SGCZ: variants seen among roughly 807,000 people sequenced by gnomAD.
SGCZ encodes zeta-sarcoglycan.
Under a neutral mutation model 41.3 loss-of-function variants are expected in SGCZ, and 40 were observed. The ratio of observed to expected loss-of-function variants is 0.97; its 90% CI spans 0.75 to 1.26. SGCZ has a LOEUF of 1.26. Among genes scored for constraint, SGCZ ranks in the 50% most tolerant of loss-of-function variants. The probability of loss-of-function intolerance (pLI) is 0.00; values close to 1 mark genes in which losing one functional copy is unlikely to be tolerated. For synonymous variants in SGCZ, 206 were observed against 137.5 expected (o/e 1.50, Z -3.49); for missense variants, 552 against 369.8 (o/e 1.49, Z -4.04).
At chr8:14,590,840 A>G (rs1029665725) in intron 1 of SGCZ, among the ~76,000 whole-genome samples, 3 of 148,378 alleles carry the variant, frequency 2.0e-5, no homozygotes, top group Admixed American at 1.4e-4. Context: ...ATATGTATTC[A>G]TATTATGAAT....
chr8:14,392,842 A>G (rs1000736859), intron 2 of SGCZ, among the ~76,000 whole-genome samples: 2 of 152,324 alleles, frequency 1.3e-5, no homozygotes, highest in Admixed American at 6.5e-5. Flanking sequence ...AGATTTGCAC[A>G]TGAGCTGTAG....
chr8:14,537,627 T>C (rs555548350), intron 2 of SGCZ, among the ~76,000 whole-genome samples: 2 of 151,618 alleles, frequency 1.3e-5, no homozygotes, highest in Non-Finnish European at 2.9e-5. Flanking sequence ...CTCCTTCCCA[T>C]CCATCAGAGA....
chr8:14,872,916 C>T (rs1804219668), intron 1 of SGCZ, among the ~76,000 whole-genome samples: 1 of 152,042 alleles, frequency 6.6e-6, no homozygotes, highest in Non-Finnish European at 1.5e-5. Flanking sequence ...GTAATCTGGA[C>T]AAGTTTCACT....
chr8:15,065,331 C>T (rs1279467807), intron 1 of SGCZ, among the ~76,000 whole-genome samples: 1 of 151,966 alleles, frequency 6.6e-6, no homozygotes, highest in Non-Finnish European at 1.5e-5. Flanking sequence ...AAATTCCTTC[C>T]TCTTCCTCTG....
chr8:14,621,798 T>C (rs1295609493), intron 1 of SGCZ, among the ~76,000 whole-genome samples: 4 of 152,000 alleles, frequency 2.6e-5, no homozygotes, highest in Non-Finnish European at 5.9e-5. Context: ...CCCTGACAAG[T>C]TGGGATTACA....
rs184149335 is a variant in SGCZ at position 14,742,619 on chromosome 8, G to A, written c.40-187693C>T. On this transcript the variant is annotated intron_variant, in intron 1 of 7. Coordinates refer to ENST00000382080, the MANE Select transcript of SGCZ (RefSeq NM_139167.4). The stretch of plus-strand genomic sequence containing the variant: ...AAAATTGTACCTATTGTATACATAC[G>A]TACATAACCCAGATAATCTTATTCA... Among the ~76,000 whole-genome samples the A allele has an allele frequency of 5.3e-4, 81 of 152,048 alleles. 1 individual carries two copies. The highest frequency in any genetic ancestry group is 1.4e-3 in the Admixed American group (21 of 15,252).
chr8:14,581,358 C>A (rs879003108), intron 1 of SGCZ, among the ~76,000 whole-genome samples: 1 of 152,104 alleles, frequency 6.6e-6, no homozygotes, highest in African/African-American at 2.4e-5. Context: ...CAGCCCACCT[C>A]GACCTTCCAA....
intron 2 of SGCZ, among the ~76,000 whole-genome samples, chr8:14,510,883 C>T (rs1802447348): frequency 6.6e-6 from 1 of 152,220 alleles, no homozygotes; most frequent in Admixed American, 6.5e-5. Flanking sequence ...TGGGAAGCAT[C>T]TTTTTGCAAT....
intron 1 of SGCZ, among the ~76,000 whole-genome samples, chr8:14,839,226 G>T (rs1269447777): frequency 1.3e-5 from 2 of 151,990 alleles, no homozygotes; most frequent in African/African-American, 4.8e-5. Flanking sequence ...TTGATATGGG[G>T]TATAGAAAGA....
At position 15,193,111 on chromosome 8, in the gene SGCZ, T is replaced by C. The variant is rs553591353; in HGVS notation, c.39+44474A>G. Among the ~76,000 whole-genome samples, 6 of 152,160 alleles carry C rather than the reference T, an allele frequency of 3.9e-5. 1 individual carries two copies. Among genetic ancestry groups the C allele is most frequent in the African/African-American group, 1.2e-4 (5 of 41,470 alleles). ...ATTTAAATCACGTAGGTAAGCACCA[T>C]AGAAACACATGACCGGAAAGGCTAA... On this transcript the variant is annotated intron_variant, in intron 1 of 7. Transcript: ENST00000382080.
chr8:14,222,012 A>T (rs1319311129), intron 4 of SGCZ, among the ~76,000 whole-genome samples: 1 of 152,132 alleles, frequency 6.6e-6, no homozygotes, highest in Non-Finnish European at 1.5e-5. Flanking sequence ...AGAGATTGGA[A>T]TAAATGTATG....
At chr8:14,240,380 C>T (rs1484398085) in intron 3 of SGCZ, among the ~76,000 whole-genome samples, 1 of 147,740 alleles carries the variant, frequency 6.8e-6, no homozygotes, top group Non-Finnish European at 1.5e-5. Context: ...AAAGTTTAAT[C>T]ATTCCGCATC....
chr8:14,162,241 C>G (rs1367006386), intron 5 of SGCZ, among the ~76,000 whole-genome samples: 1 of 152,124 alleles, frequency 6.6e-6, no homozygotes, highest in African/African-American at 2.4e-5. Context: ...CTGCCAAGAA[C>G]TCTAGAATCT....
At chr8:15,161,993 G>A (rs1253239383) in intron 1 of SGCZ, among the ~76,000 whole-genome samples, 5 of 152,134 alleles carry the variant, frequency 3.3e-5, no homozygotes, top group African/African-American at 4.8e-5. Context: ...ATTGCACCAC[G>A]GCACTCCAGC....
intron 1 of SGCZ, among the ~76,000 whole-genome samples, chr8:14,556,738 T>C (rs1356077585): frequency 6.6e-6 from 1 of 152,068 alleles, no homozygotes; most frequent in African/African-American, 2.4e-5. Context: ...AATAATAGTC[T>C]CCAATCCCAT....
At chr8:14,189,031 GTA>G (rs1805005525) in intron 4 of SGCZ, among the ~76,000 whole-genome samples, 3 of 66,790 alleles carry the variant, frequency 4.5e-5, no homozygotes, top group South Asian at 6.9e-4. Context: ...TTTTTTTTTT[GTA>G]TTTTTAGTAG....
At chr8:14,371,941 T>C (rs537000619) in intron 2 of SGCZ, among the ~76,000 whole-genome samples, 2 of 152,022 alleles carry the variant, frequency 1.3e-5, no homozygotes. Flanking sequence ...TAGAGATCAA[T>C]ATGGGCTGAC....
intron 4 of SGCZ, among the ~76,000 whole-genome samples, chr8:14,195,393 G>C (rs866367728): frequency 2.6e-5 from 4 of 152,074 alleles, no homozygotes; most frequent in Non-Finnish European, 5.9e-5. Flanking sequence ...AAAAAAATGA[G>C]AATTCAGTGA....
At chr8:14,996,061 G>A (rs1313578350) in intron 1 of SGCZ, among the ~76,000 whole-genome samples, 4 of 151,778 alleles carry the variant, frequency 2.6e-5, no homozygotes, top group Non-Finnish European at 5.9e-5. Flanking sequence ...CCGCCACCAC[G>A]CCCAGCTAAT....
Sources: allele counts gnomAD v4.1 joint callset (sites outside exome capture counted in the v4.1 genomes callset), GRCh38; gene constraint gnomAD v4.1.1; transcripts MANE v1.5; gene names NCBI Gene and HGNC (gene_info 2026-07-23, HGNC 2026-07-21).